ELFN1: variants seen among roughly 807,000 people sequenced by gnomAD.
ELFN1 encodes the protein extracellular leucine rich repeat and fibronectin type III domain containing 1.
In ELFN1, 6 loss-of-function variants were observed where a neutral mutation model predicts 7.6. The ratio of observed to expected loss-of-function variants is 0.79; its 90% confidence interval spans 0.43 to 1.56. The LOEUF is 1.56. ELFN1 is among the 40% of genes most tolerant of loss of function. The pLI is 0.01. For missense variants in ELFN1, 1,169 were observed against 1,232.2 expected, an observed-to-expected ratio of 0.95 and a Z score of 0.77; for synonymous variants, 657 against 588.1, an observed-to-expected ratio of 1.12 and a Z score of -1.70.
upstream of ELFN1, among the ~76,000 whole-genome samples, chr7:1,669,862 T>TA (rs1778727285): frequency 8.0e-6 from 1 of 124,382 alleles, no homozygotes; most frequent in African/African-American, 3.3e-5. Context: ...TCGCCCCCAC[T>TA]CCCCCCACCC....
chr7:1,740,492 G>C lies in ELFN1; in HGVS notation c.-293-3812G>C, dbSNP rs1372986431. Among the ~76,000 whole-genome samples, 1 of 152,234 alleles carries C rather than the reference G, an allele frequency of 6.6e-6. No individual in the cohort carries two copies. The highest frequency in any genetic ancestry group is 2.4e-5 in the African/African-American group (1 of 41,462). ...GGACGTGGGGTGCAGCGGCAGGTGT[G>C]AGTGCGGATCAGCGAGGGCACAGGC... On this transcript the variant is annotated intron_variant, in intron 3 of 3. Coordinates refer to ENST00000424383, the MANE Select transcript of ELFN1 (RefSeq NM_001128636.4). The surrounding 1 kb of genome is among the most constrained non-coding windows in gnomAD (Gnocchi z 5.0).
chr7:1,704,000 G>A (rs1205386225), intron 2 of ELFN1, among the ~76,000 whole-genome samples: 4 of 152,222 alleles, frequency 2.6e-5, no homozygotes, highest in Non-Finnish European at 5.9e-5. Context: ...TCAGCAAGAG[G>A]TGTCACTGCG....
At position 1,746,259 on chromosome 7, in the gene ELFN1, A is replaced by C; in HGVS notation, c.1663A>C (p.Ile555Leu). Residue 555 changes from isoleucine to leucine, a missense_variant, in exon 4 of 4, where the codon ATC becomes CTC. Physicochemically the swap from Ile to Leu is conservative, Grantham distance 5 (BLOSUM62 2). Coordinates refer to ENST00000424383, the MANE Select transcript of ELFN1 (RefSeq NM_001128636.4). ...GPDSQSSVAE[I>L]STIAKEVDKV... is the part of the protein sequence containing the mutation. ...CGACAGCCAGAGTTCGGTGGCCGAG[A>C]TCTCCACCATCGCCAAGGAGGTGGA... 6.3e-7 allele frequency: 1 copy of C among 1,593,960 alleles called. No homozygotes were observed. Among genetic ancestry groups the C allele is most frequent in the South Asian group, 1.1e-5 (1 of 87,754 alleles).
At position 1,739,230 on chromosome 7, in the gene ELFN1, C is replaced by G. The variant is rs1294898103; in HGVS notation, c.-293-5074C>G. On this transcript the variant is annotated intron_variant, in intron 3 of 3. Coordinates refer to ENST00000424383, the MANE Select transcript of ELFN1 (RefSeq NM_001128636.4). The surrounding 1 kb of genome is among the most constrained non-coding windows in gnomAD (Gnocchi z 4.6). ...GTGGAGGGAGAATGGATTGTGGGTGCCAGGAGACCAGGTGGTACCTTGGGC... is the reference window on the plus strand; with the variant it reads ...GTGGAGGGAGAATGGATTGTGGGTGGCAGGAGACCAGGTGGTACCTTGGGC... 1 of 152,228 alleles carries G rather than the reference C, an allele frequency of 6.6e-6. No individual in the cohort carries two copies. The highest frequency in any genetic ancestry group is 2.4e-5 in the African/African-American group (1 of 41,370). 9.4% of individuals were successfully genotyped at this position (152,228 alleles called of 1,614,324 possible).
Position 1,739,676 on chromosome 7 carries a change from T to A in ELFN1, c.-293-4628T>A, listed in dbSNP as rs1003123181. 1 of 154,572 alleles carries A rather than the reference T, an allele frequency of 6.5e-6. No homozygotes were observed. Among genetic ancestry groups the A allele is most frequent in the Non-Finnish European group, 1.4e-5 (1 of 69,732 alleles). The allele number at this position is 154,572 out of a possible 1,614,324, so 9.6% of individuals were successfully genotyped here. On this transcript the variant is annotated intron_variant, in intron 3 of 3. Transcript: ENST00000424383. The surrounding 1 kb of genome is among the most constrained non-coding windows in gnomAD (Gnocchi z 4.6). Reference sequence around the variant, plus strand: ...TGGACAGAGAGGGCGGTGGCTGGGATGCTGGAGTGGAGAGGGCGGCAGGAG... The same window carrying A: ...TGGACAGAGAGGGCGGTGGCTGGGAAGCTGGAGTGGAGAGGGCGGCAGGAG...
intron 3 of ELFN1, among the ~76,000 whole-genome samples, chr7:1,731,470 A>G (rs1780323738): frequency 6.6e-6 from 1 of 152,204 alleles, no homozygotes; most frequent in Non-Finnish European, 1.5e-5. Context: ...CAATAGAAAT[A>G]GGAGAAATGG....
Position 1,747,281 on chromosome 7 carries a change from G to A in ELFN1, c.*198G>A. 2.1e-6 allele frequency: 1 copy of A among 475,446 alleles called. No homozygotes were observed. The highest frequency in any genetic ancestry group is 3.5e-6 in the Non-Finnish European group (1 of 286,168). The allele number at this position is 475,446 out of a possible 1,614,324, so 29.5% of individuals were successfully genotyped here. ...CTGTGGCCGGTCCTGGGATGCGCTTGTCGCCCCGGGTGGCACGTGTCCACA... is the reference window on the plus strand; with the variant it reads ...CTGTGGCCGGTCCTGGGATGCGCTTATCGCCCCGGGTGGCACGTGTCCACA... On this transcript the variant is annotated 3_prime_UTR_variant, in exon 4 of 4. Transcript: ENST00000424383.
Position 1,735,634 on chromosome 7 carries a change from C to T in ELFN1, c.-293-8670C>T, listed in dbSNP as rs1780423272. ...TGGGTCTGGGGGAGCCATGAGGGAG[C>T]CCCCAGAGCTGGTGAGATCCCTCAA... On this transcript the variant is annotated intron_variant, in intron 3 of 3. Transcript: ENST00000424383. This position sits in a 1 kb window ranked among gnomAD's most constrained non-coding sequence, Gnocchi z 5.9. Among the ~76,000 whole-genome samples the T allele has an allele frequency of 6.6e-6, 1 of 152,206 alleles. No homozygotes were observed. Among genetic ancestry groups the T allele is most frequent in the Admixed American group, 6.5e-5 (1 of 15,304 alleles).
rs1017443384 is a variant in ELFN1 at position 1,705,819 on chromosome 7, A to C, written c.-455-3272A>C. Among the ~76,000 whole-genome samples the C allele has an allele frequency of 6.6e-6, 1 of 152,176 alleles. No individual in the cohort carries two copies. Among genetic ancestry groups the C allele is most frequent in the African/African-American group, 2.4e-5 (1 of 41,446 alleles). On this transcript the variant is annotated intron_variant, in intron 2 of 3. Transcript: ENST00000424383. This position sits in a 1 kb window ranked among gnomAD's most constrained non-coding sequence, Gnocchi z 4.3. Reference sequence around the variant, plus strand: ...CTCGGGGAGGTCTGATGAGCCCCCGAATATCACAGACAAAACTGCCTGTGT... The same window carrying C: ...CTCGGGGAGGTCTGATGAGCCCCCGCATATCACAGACAAAACTGCCTGTGT...
chr7:1,672,037 C>T (rs1778777779), intron 1 of ELFN1, among the ~76,000 whole-genome samples: 1 of 152,226 alleles, frequency 6.6e-6, no homozygotes, highest in South Asian at 2.1e-4. Context: ...TGTCCTACAG[C>T]CAGCTGTGCA....
chr7:1,731,282 C>T (rs534637723), intron 3 of ELFN1, among the ~76,000 whole-genome samples: 2 of 152,020 alleles, frequency 1.3e-5, no homozygotes, highest in Admixed American at 6.6e-5. Flanking sequence ...TTTTACAAAG[C>T]GAGATAAAAT....
At chr7:1,736,037 C>T (rs1034161959) in intron 3 of ELFN1, among the ~76,000 whole-genome samples, 2 of 152,208 alleles carry the variant, frequency 1.3e-5, no homozygotes, top group Admixed American at 6.5e-5. Context: ...CAGGCGGGCC[C>T]CCCACCTGCT....
chr7:1,668,862 G>C (rs181817702), upstream of ELFN1, among the ~76,000 whole-genome samples: 2 of 152,360 alleles, frequency 1.3e-5, no homozygotes, highest in East Asian at 3.9e-4. Context: ...GGCCCCTGGG[G>C]CTGTGCTGGG....
chr7:1,685,468 T>C (rs1779046509), intron 1 of ELFN1, among the ~76,000 whole-genome samples: 2 of 152,202 alleles, frequency 1.3e-5, no homozygotes, highest in African/African-American at 4.8e-5. Context: ...TGATGTCTCA[T>C]GTATGTCAGA....
At chr7:1,698,870 C>T (rs1477217089) in intron 2 of ELFN1, among the ~76,000 whole-genome samples, 1 of 152,130 alleles carries the variant, frequency 6.6e-6, no homozygotes, top group African/African-American at 2.4e-5. Flanking sequence ...TCACAAGCAC[C>T]CCAGTGAAGA....
Position 1,695,747 on chromosome 7 carries a change from CAAAAAAAAAAAAAAA to C in ELFN1, c.-456+7608_-456+7622del. 1.7e-5 allele frequency among the ~76,000 whole-genome samples: 1 copy of C among 59,210 alleles called. No individual in the cohort carries two copies. The highest frequency in any genetic ancestry group is 5.2e-4 in the East Asian group (1 of 1,906). The allele number at this position is 59,210 out of a possible 152,430, so 38.8% of individuals were successfully genotyped here. A position where few individuals can be genotyped will look rare whatever the true frequency, so the allele number is the denominator to read the frequency against. On this transcript the variant is annotated intron_variant, in intron 2 of 3. Transcript: ENST00000424383. The surrounding 1 kb of genome is among the most constrained non-coding windows in gnomAD (Gnocchi z 5.1). The stretch of plus-strand genomic sequence containing the variant: ...TGGGTGACAGAGCGAGACTCCGTGT[CAAAAAAAAAAAAAAA>C]AAAAAAAAAACCGTGCTGGTTTGGT...
chr7:1,743,608 G>A (rs972609839), intron 3 of ELFN1, among the ~76,000 whole-genome samples: 8 of 152,164 alleles, frequency 5.3e-5, no homozygotes, highest in Admixed American at 2.0e-4. Context: ...AGCTCAGACC[G>A]AGACCTGGCA....
intron 3 of ELFN1, among the ~76,000 whole-genome samples, chr7:1,738,412 G>A (rs1226439178): frequency 1.3e-5 from 2 of 152,156 alleles, no homozygotes; most frequent in African/African-American, 2.4e-5. Flanking sequence ...TTTCCTGAGG[G>A]GGTAACAGGG....
chr7:1,715,840 C>T (rs1420638324), intron 3 of ELFN1, among the ~76,000 whole-genome samples: 1 of 152,226 alleles, frequency 6.6e-6, no homozygotes, highest in Non-Finnish European at 1.5e-5. Context: ...CCTCCGGCCC[C>T]AGTTTGCCCA....
Sources: gnomAD v4.1 joint callset for allele counts (sites outside exome capture counted in the v4.1 genomes callset) on GRCh38, gnomAD v4.1.1 for gene constraint, Gnocchi (gnomAD v3.1) non-coding constraint, MANE v1.5 for transcripts, NCBI Gene and HGNC (gene_info 2026-07-23, HGNC 2026-07-21) for gene names.